The following MAP2 variants were observed in gnomAD, a reference collection of about 807,000 sequenced individuals.
MAP2 encodes the protein microtubule associated protein 2, also known as microtubule-associated protein 2.
A neutral mutation model predicts 137.6 loss-of-function variants in MAP2; 14 were observed. The ratio of observed to expected loss-of-function variants is 0.10; its 90% CI spans 0.07 to 0.16. The LOEUF (loss-of-function observed/expected upper bound fraction) is 0.16, where lower values mean the gene tolerates loss of function less well. Among genes scored for constraint, MAP2 ranks in the 10% least tolerant of loss-of-function variants. The probability of loss-of-function intolerance (pLI) is 1.00; values close to 1 mark genes in which losing one functional copy is unlikely to be tolerated. For synonymous variants in MAP2, 786 were observed against 782.3 expected (o/e 1.00, Z -0.08); for missense variants, 2,088 against 2,191.5 (o/e 0.95, Z 0.94).
chr2:209,588,131 T>C (rs563840156), intron 3 of MAP2, among the ~76,000 whole-genome samples: 1 of 152,308 alleles, frequency 6.6e-6, no homozygotes, highest in South Asian at 2.1e-4. Context: ...TGTGTCAGTC[T>C]ACTCTTTCCA....
At chr2:209,625,536 C>T (rs59417586) in intron 4 of MAP2, among the ~76,000 whole-genome samples, 2,575 of 152,192 alleles carry the variant, frequency 0.017, 84 homozygotes, top group African/African-American at 0.059. Context: ...GGATCATCCC[C>T]ATTTTAGAGA....
chr2:209,690,245 G>A (rs776589603), intron 7 of MAP2, among the ~76,000 whole-genome samples: 151 of 151,562 alleles, frequency 1.0e-3, no homozygotes, highest in Non-Finnish European at 8.2e-4. Flanking sequence ...TCTGTTATCC[G>A]GCAGTACCAT....
chr2:209,718,620 T>C (rs1209249141), intron 13 of MAP2, among the ~76,000 whole-genome samples: 5 of 152,250 alleles, frequency 3.3e-5, no homozygotes, highest in Admixed American at 2.6e-4. Flanking sequence ...GGCTTTTCAG[T>C]GTGGTTCTAC....
At chr2:209,640,265 A>G (rs2093913619) in intron 4 of MAP2, among the ~76,000 whole-genome samples, 1 of 152,084 alleles carries the variant, frequency 6.6e-6, no homozygotes, top group Admixed American at 6.6e-5. Flanking sequence ...ACCTCCTTCA[A>G]CATGAGGGCT....
At chr2:209,678,519 T>C (rs372267187) in intron 5 of MAP2, 53 bp from the exon 6 acceptor site, 1 of 917,320 alleles carries the variant, frequency 1.1e-6, no homozygotes, top group Non-Finnish European at 1.7e-6. Context: ...TTTTCCTCTT[T>C]GCTTTCTCAG....
chr2:209,652,214 G>T (rs559143890), intron 4 of MAP2, among the ~76,000 whole-genome samples: 4 of 152,242 alleles, frequency 2.6e-5, no homozygotes, highest in African/African-American at 9.6e-5. Context: ...CAATTAACAT[G>T]TATAGAACAC....
At chr2:209,675,598 A>G (rs1424069934) in intron 5 of MAP2, among the ~76,000 whole-genome samples, 1 of 151,918 alleles carries the variant, frequency 6.6e-6, no homozygotes, top group Non-Finnish European at 1.5e-5. Context: ...TTGTATGAAT[A>G]CATCCTTTAT....
chr2:209,485,839 G>A (rs111227981), intron 1 of MAP2, among the ~76,000 whole-genome samples: 35 of 152,342 alleles, frequency 2.3e-4, no homozygotes, highest in African/African-American at 8.4e-4. Flanking sequence ...TGGCTGGATA[G>A]TTGTAGATCA....
intron 2 of MAP2, among the ~76,000 whole-genome samples, chr2:209,516,419 G>A (rs1265335421): frequency 6.6e-6 from 1 of 152,034 alleles, no homozygotes; most frequent in Non-Finnish European, 1.5e-5. Flanking sequence ...TAAGGTGCAA[G>A]TATAAGCTGA....
At chr2:209,453,707 T>A (rs990765052) in intron 1 of MAP2, among the ~76,000 whole-genome samples, 1 of 152,200 alleles carries the variant, frequency 6.6e-6, no homozygotes, top group Non-Finnish European at 1.5e-5. Flanking sequence ...AAATTATTTT[T>A]TTAAACCAAA....
At position 209,695,486 on chromosome 2, in the gene MAP2, A is replaced by G; in HGVS notation, c.3316A>G (p.Ser1106Gly). ...SGHMKEGTKV[S>G]ETEVKEKVAK... ...CCACATGAAAGAAGGCACTAAAGTT[A>G]GTGAGACAGAAGTCAAAGAGAAGGT... The change falls in exon 8 of 16, where the codon AGT (serine) becomes GGT (glycine). Residue 1106 changes from serine (S) to glycine (G), a missense_variant. Ser to Gly is a moderately conservative substitution (Grantham distance 56). Transcript: ENST00000682079. 6.2e-7 allele frequency: 1 copy of G among 1,614,158 alleles called. No individual in the cohort carries two copies. The highest frequency in any genetic ancestry group is 8.5e-7 in the Non-Finnish European group (1 of 1,180,026).
intron 11 of MAP2, among the ~76,000 whole-genome samples, chr2:209,703,732 C>A (rs2062456855): frequency 6.6e-6 from 1 of 151,974 alleles, no homozygotes; most frequent in Admixed American, 6.6e-5. Context: ...AAAGCTAATT[C>A]CTTCATATCT....
rs557263483 is a variant in MAP2 at position 209,708,804 on chromosome 2, G to A, written c.4733-1110G>A. On this transcript the variant is annotated intron_variant, in intron 12 of 15. Coordinates refer to ENST00000682079, the MANE Select transcript of MAP2 (RefSeq NM_001375505.1). ...TGCTTAAAAATGTAAATCCTCAGGG[G>A]CTAAATATTGTATCTGGCTTAGACG... Among the ~76,000 whole-genome samples, 6 of 152,120 alleles carry A rather than the reference G, an allele frequency of 3.9e-5. No individual in the cohort carries two copies. In the South Asian group the frequency reaches 1.2e-3, roughly 32 times the overall value.
chr2:209,524,479 G>C (rs1577075264), intron 2 of MAP2, among the ~76,000 whole-genome samples: 2 of 151,956 alleles, frequency 1.3e-5, no homozygotes, highest in Non-Finnish European at 2.9e-5. Context: ...TGCTATGTTA[G>C]TAGCCTCGAA....
At chr2:209,674,621 A>AGATGGATGGATG (rs58681596) in intron 5 of MAP2, among the ~76,000 whole-genome samples, 159 of 150,710 alleles carry the variant, frequency 1.1e-3, no homozygotes, top group African/African-American at 2.7e-3. Flanking sequence ...ATATATAGAT[A>AGATGGATGGATG]GATGGATGGA....
chr2:209,700,876 C>CT (rs1297908075), intron 11 of MAP2, among the ~76,000 whole-genome samples: 1 of 152,062 alleles, frequency 6.6e-6, no homozygotes, highest in Non-Finnish European at 1.5e-5. Context: ...CTGTGTATCA[C>CT]TTTTTAAATT....
intron 2 of MAP2, among the ~76,000 whole-genome samples, chr2:209,522,664 C>G (rs1440075943): frequency 6.6e-6 from 1 of 152,062 alleles, no homozygotes; most frequent in Non-Finnish European, 1.5e-5. Context: ...TGGCCTAAGA[C>G]CTCAATCCAG....
chr2:209,669,180 T>A (rs1375949902), intron 5 of MAP2, among the ~76,000 whole-genome samples: 1 of 152,062 alleles, frequency 6.6e-6, no homozygotes, highest in Non-Finnish European at 1.5e-5. Flanking sequence ...GCAGATAAGG[T>A]TGATGATTGC....
intron 7 of MAP2, among the ~76,000 whole-genome samples, chr2:209,688,817 A>G (rs1041428689): frequency 6.6e-6 from 1 of 152,232 alleles, no homozygotes; most frequent in Non-Finnish European, 1.5e-5. Flanking sequence ...ATGAAAGCAG[A>G]TAGTTCTAAA....
Sources: allele counts gnomAD v4.1 joint callset (sites outside exome capture counted in the v4.1 genomes callset), GRCh38; gene constraint gnomAD v4.1.1; transcripts MANE v1.5; gene names NCBI Gene and HGNC (gene_info 2026-07-23, HGNC 2026-07-21).